The following CFI variants were observed in gnomAD, a reference collection of about 807,000 sequenced individuals.
The protein encoded by CFI is C3B/C4B inactivator.
In CFI, 66 loss-of-function variants were observed where a neutral mutation model predicts 78.8. That is an observed-to-expected ratio of 0.84 (90% CI 0.69 to 1.03). The LOEUF (loss-of-function observed/expected upper bound fraction) is 1.03. Ranked by LOEUF, CFI falls within the 50% of genes least tolerant of loss-of-function variation. The pLI is 0.00. For synonymous variants in CFI, 250 were observed against 232.6 expected, an observed-to-expected ratio of 1.07 and a Z score of -0.68; for missense variants, 706 against 704.5, an observed-to-expected ratio of 1.00 and a Z score of -0.02.
At chr4:109,795,243 C>G (rs1731914156) in intron 1 of CFI, among the ~76,000 whole-genome samples, 1 of 152,096 alleles carries the variant, frequency 6.6e-6, no homozygotes, top group Admixed American at 6.5e-5. Context: ...GCCCGTGGAC[C>G]ACAGCACCGA....
In CFI at chr4:109,745,619, A is replaced by G. The variant is rs550468702; in HGVS notation, c.1429+603T>C. On this transcript the variant is annotated intron_variant, in intron 11 of 12. Coordinates refer to ENST00000394634, the MANE Select transcript of CFI (RefSeq NM_000204.5). ...CACCACAAGTCTTCTTAGAAGTTCA[A>G]AAAATGAATTCCTTATGTTCTTTTT... Among the ~76,000 whole-genome samples the G allele has an allele frequency of 4.6e-4, 70 of 152,328 alleles. No homozygotes were observed. The South Asian group carries it at 0.014, about 31-fold the overall frequency.
intron 5 of CFI, 61 bp from the exon 6 acceptor site, chr4:109,760,441 T>C (rs952228361): frequency 2.7e-6 from 4 of 1,497,934 alleles, no homozygotes; most frequent in Non-Finnish European, 3.7e-6. Flanking sequence ...AGGTACAATA[T>C]AAAATTCAAT....
rs1186189041 is a variant in CFI, at chr4:109,760,329, T to C, written c.824A>G (p.Gln275Arg). The C allele has an allele frequency of 6.2e-7, 1 of 1,614,212 alleles. No homozygotes were observed. The highest frequency in any genetic ancestry group is 1.1e-5 in the South Asian group (1 of 91,088). ...GTCCACCTCACCATTGCATTGATAC[T>C]GGCTTGGAATGCAAACACCCGATTT... Reference protein sequence around the residue: ...HCKSGVCIPSQYQCNGEVDCI... With the variant: ...HCKSGVCIPSRYQCNGEVDCI... Residue 275 changes from glutamine (Q) to arginine (R), a missense_variant, in exon 6 of 13, where the codon CAG becomes CGG. Coordinates refer to ENST00000394634, the MANE Select transcript of CFI (RefSeq NM_000204.5).
At chr4:109,775,048 T>C (rs1386205554) in intron 1 of CFI, among the ~76,000 whole-genome samples, 1 of 152,110 alleles carries the variant, frequency 6.6e-6, no homozygotes, top group Non-Finnish European at 1.5e-5. Context: ...TTGAGGAGGT[T>C]CCAATATGGC....
At chr4:109,766,356 C>G (rs147730745) in intron 2 of CFI, among the ~76,000 whole-genome samples, 198 bp downstream of exon 2, 1 of 152,154 alleles carries the variant, frequency 6.6e-6, no homozygotes, top group Non-Finnish European at 1.5e-5. Flanking sequence ...CAGCATCCCA[C>G]GCTCTGCACT....
At chr4:109,788,666 TA>T (rs1352995950) in intron 1 of CFI, among the ~76,000 whole-genome samples, 8 of 152,212 alleles carry the variant, frequency 5.3e-5, no homozygotes, top group Non-Finnish European at 1.0e-4. Flanking sequence ...ATAAGAAAAT[TA>T]TTTTTAGTAA....
intron 1 of CFI, among the ~76,000 whole-genome samples, chr4:109,780,641 T>G (rs1729888734): frequency 6.6e-6 from 1 of 152,212 alleles, no homozygotes; most frequent in African/African-American, 2.4e-5. Context: ...GCCATCCCAT[T>G]ACTGGGCATA....
chr4:109,741,320 A>C, intron 12 of CFI: 5 of 985,372 alleles, frequency 5.1e-6, no homozygotes, highest in Non-Finnish European at 6.0e-6. Flanking sequence ...TATTCCCCCA[A>C]TTCAGCATGT....
chr4:109,775,767 C>T (rs2125834242), intron 1 of CFI, among the ~76,000 whole-genome samples: 1 of 152,310 alleles, frequency 6.6e-6, no homozygotes, highest in African/African-American at 2.4e-5. Context: ...ACTGACACCT[C>T]ATACAGCCGA....
At chr4:109,764,806 C>A in intron 2 of CFI, 116 bp from the exon 3 acceptor site, 1 of 951,738 alleles carries the variant, frequency 1.1e-6, no homozygotes, top group Non-Finnish European at 1.6e-6. Context: ...AACATCATGA[C>A]GATTTTAACA....
chr4:109,745,090 G>A (rs1003408631), intron 11 of CFI, among the ~76,000 whole-genome samples: 1 of 152,194 alleles, frequency 6.6e-6, no homozygotes, highest in African/African-American at 2.4e-5. Context: ...AAAGACCAAT[G>A]CAATGAAGGT....
chr4:109,784,984 C>T (rs868781529), intron 1 of CFI, among the ~76,000 whole-genome samples: 3 of 152,142 alleles, frequency 2.0e-5, no homozygotes, highest in African/African-American at 7.2e-5. Context: ...ACACCCTCCC[C>T]ACCCTTGCGA....
chr4:109,755,996 G>A (rs1237100036), intron 7 of CFI, among the ~76,000 whole-genome samples: 1 of 151,996 alleles, frequency 6.6e-6, no homozygotes, highest in East Asian at 1.9e-4. Flanking sequence ...AAAATGTAAT[G>A]AGTTGTGAAA....
chr4:109,784,327 A>G (rs1183734754), intron 1 of CFI, among the ~76,000 whole-genome samples: 1 of 152,154 alleles, frequency 6.6e-6, no homozygotes, highest in Admixed American at 6.6e-5. Context: ...GGAAATAAGC[A>G]TAACAAATTT....
chr4:109,761,651 G>A lies in CFI; in HGVS notation c.524C>T (p.Ser175Phe), dbSNP rs756596684. Residue 175 changes from serine to phenylalanine, a missense_variant, in exon 4 of 13, where the codon TCT (serine) becomes TTT (phenylalanine). Ser to Phe is a radical substitution (Grantham distance 155). Transcript: ENST00000394634. ...TQRRFKLSDL[S>F]INSTECLHVH... ...ATGTAGACATTCAGTGGAATTTATAGAGAGATCAGACAACTTAAACCTTCT... is the reference window on the plus strand; with the variant it reads ...ATGTAGACATTCAGTGGAATTTATAAAGAGATCAGACAACTTAAACCTTCT... 1 of 1,613,720 alleles carries A rather than the reference G, an allele frequency of 6.2e-7. No individual in the cohort carries two copies. Among genetic ancestry groups the A allele is most frequent in the Non-Finnish European group, 8.5e-7 (1 of 1,179,708 alleles).
chr4:109,753,817 TTATATTATATATTATATAA>T lies in CFI; in HGVS notation c.905-1333_905-1315del, dbSNP rs1272880066. ...ATTATATATTATCTAATGTATAATT[TTATATTATATATTATATAA>T]TGTATAATCTTATATTATATATTAT... On this transcript the variant is annotated intron_variant, in intron 7 of 12. Coordinates refer to ENST00000394634, the MANE Select transcript of CFI (RefSeq NM_000204.5). 3.6e-3 allele frequency among the ~76,000 whole-genome samples: 311 copies of T among 86,014 alleles called. 2 individuals carry two copies. The highest frequency in any genetic ancestry group is 0.013 in the African/African-American group (286 of 22,408). The allele number at this position is 86,014 out of a possible 152,430, so 56.4% of individuals were successfully genotyped here. A position where few individuals can be genotyped will look rare whatever the true frequency, so the allele number is the denominator to read the frequency against.
rs750346105 is a variant in CFI at position 109,783,811 on chromosome 4, T to TAATATATA, written c.58-16988_58-16987insTATATATT. Among the ~76,000 whole-genome samples the TAATATATA allele has an allele frequency of 3.1e-4, 33 of 105,824 alleles. 5 individuals are homozygous for TAATATATA. The highest frequency in any genetic ancestry group is 1.9e-3 in the East Asian group (7 of 3,760). 69.4% of individuals were successfully genotyped at this position (105,824 alleles called of 152,430 possible). On this transcript the variant is annotated intron_variant, in intron 1 of 12. Transcript: ENST00000394634. ...ATTCAATGAGTGGATAAAGAAACTG[T>TAATATATA]GATATATATATATATATATATATGA...
At chr4:109,755,001 G>A (rs1260846539) in intron 7 of CFI, among the ~76,000 whole-genome samples, 9 of 152,174 alleles carry the variant, frequency 5.9e-5, no homozygotes, top group Non-Finnish European at 1.2e-4. Flanking sequence ...ATGAGAGACA[G>A]CATGGAAGAA....
chr4:109,756,962 AAAGAAAGAAAG>A (rs1726363628), intron 7 of CFI, among the ~76,000 whole-genome samples: 2 of 140,320 alleles, frequency 1.4e-5, no homozygotes, highest in African/African-American at 5.3e-5. Flanking sequence ...AGAAAGAAAG[AAAGAAAGAAAG>A]AAAGAAATTC....
Sources: gnomAD v4.1 joint callset for allele counts (sites outside exome capture counted in the v4.1 genomes callset) on GRCh38, gnomAD v4.1.1 for gene constraint, MANE v1.5 for transcripts, NCBI Gene and HGNC (gene_info 2026-07-23, HGNC 2026-07-21) for gene names.